Variants in SMIM19 observed in about 807,000 individuals in gnomAD.
The protein encoded by SMIM19 is small integral membrane protein 19, also known as UPF0697 protein C8orf40.
In SMIM19, 6 loss-of-function variants were observed where a neutral mutation model predicts 13.2. The observed-to-expected ratio is 0.45, with a 90% confidence interval of 0.25 to 0.90. SMIM19 has a LOEUF of 0.90. Ranked by LOEUF, SMIM19 falls within the 40% of genes least tolerant of loss-of-function variation. The probability of loss-of-function intolerance (pLI) is 0.19; values close to 1 mark genes in which losing one functional copy is unlikely to be tolerated. For missense variants in SMIM19, 138 were observed against 131.0 expected, an observed-to-expected ratio of 1.05 and a Z score of -0.26; for synonymous variants, 46 against 43.1, an observed-to-expected ratio of 1.07 and a Z score of -0.27.
At chr8:42,545,907 G>A (rs1813462681) in intron 1 of SMIM19, among the ~76,000 whole-genome samples, 1 of 152,170 alleles carries the variant, frequency 6.6e-6, no homozygotes. Flanking sequence ...TTCAAGCTCA[G>A]TCCTTTTAGT....
chr8:42,545,876 A>G (rs1358488664), intron 1 of SMIM19, among the ~76,000 whole-genome samples: 1 of 152,164 alleles, frequency 6.6e-6, no homozygotes, highest in Non-Finnish European at 1.5e-5. Context: ...GGGTGTTACA[A>G]TTTGGAAACT....
At chr8:42,551,802 G>T (rs1813683517) in intron 3 of SMIM19, among the ~76,000 whole-genome samples, 1 of 151,932 alleles carries the variant, frequency 6.6e-6, no homozygotes, top group Admixed American at 6.6e-5. Context: ...AAATTAGCTG[G>T]GTGTGGTGAT....
At chr8:42,550,033 T>A (rs1813617023) in intron 3 of SMIM19, among the ~76,000 whole-genome samples, 1 of 151,944 alleles carries the variant, frequency 6.6e-6, no homozygotes. Context: ...GAGGCAGAGG[T>A]TGCAGTGAGC....
At position 42,542,314 on chromosome 8, in the gene SMIM19, G is replaced by A. The variant is rs933932369; in HGVS notation, c.-64G>A. The A allele has an allele frequency of 8.5e-6, 3 of 353,218 alleles. No homozygotes were observed. The highest frequency in any genetic ancestry group is 1.2e-5 in the Non-Finnish European group (3 of 252,138). 21.9% of individuals were successfully genotyped at this position (353,218 alleles called of 1,614,324 possible). The stretch of plus-strand genomic sequence containing the variant: ...GTTGTTGGGATAATTCAGTGACTCT[G>A]TGGACTGCCCAGCACCTGTGAATTG... On this transcript the variant is annotated 5_prime_UTR_variant, in exon 1 of 4. In the 5' UTR this introduces an upstream ATG that the reference lacks. Transcript: ENST00000417410.
Position 42,542,304 on chromosome 8 carries a change from C to A in SMIM19, c.-74C>A. 3.5e-6 allele frequency: 1 copy of A among 289,476 alleles called. No individual in the cohort carries two copies. Among genetic ancestry groups the A allele is most frequent in the Non-Finnish European group, 5.2e-6 (1 of 193,824 alleles). 17.9% of individuals were successfully genotyped at this position (289,476 alleles called of 1,614,324 possible). On this transcript the variant is annotated 5_prime_UTR_variant, in exon 1 of 4. Transcript: ENST00000417410. ...GCCCAGCAGGGTTGTTGGGATAATT[C>A]AGTGACTCTGTGGACTGCCCAGCAC...
chr8:42,542,526 T>C lies in SMIM19; in HGVS notation c.-5+153T>C, dbSNP rs893607903. 1.3e-5 allele frequency: 12 copies of C among 946,200 alleles called. No homozygotes were observed. In the African/African-American group the frequency reaches 1.9e-4, roughly 15 times the overall value. 58.6% of individuals were successfully genotyped at this position (946,200 alleles called of 1,614,324 possible). A position where few individuals can be genotyped will look rare whatever the true frequency, so the allele number is the denominator to read the frequency against. On this transcript the variant is annotated intron_variant, in intron 1 of 3. Transcript: ENST00000417410. ...AATTTGTATCAAAGTAACAAAGTTC[T>C]AAGTGAGAGACAAAAATGATAACAT...
Position 42,552,809 on chromosome 8 carries a change from A to G in SMIM19, c.*201A>G, listed in dbSNP as rs559438281. 7.2e-6 allele frequency: 4 copies of G among 556,540 alleles called. No individual in the cohort carries two copies. The African/African-American group carries it at 7.5e-5, about 10-fold the overall frequency. The allele number at this position is 556,540 out of a possible 1,614,324, so 34.5% of individuals were successfully genotyped here. A position where few individuals can be genotyped will look rare whatever the true frequency, so the allele number is the denominator to read the frequency against. ...AGGCCTTGACACAGGGAACCTGCAC[A>G]TATCCAGGATATGTGTAACCAGCGA... On this transcript the variant is annotated 3_prime_UTR_variant, in exon 4 of 4. Transcript: ENST00000417410.
chr8:42,551,682 C>A (rs934771837), intron 3 of SMIM19, among the ~76,000 whole-genome samples: 2 of 152,148 alleles, frequency 1.3e-5, no homozygotes, highest in African/African-American at 4.8e-5. Context: ...TGGCTCACAC[C>A]TGTAATCCCA....
chr8:42,551,551 AAATAT>A (rs148910592), intron 3 of SMIM19, among the ~76,000 whole-genome samples: 2,445 of 152,316 alleles, frequency 0.016, 28 homozygotes, highest in Non-Finnish European at 0.027. Flanking sequence ...TTTTAAGTTA[AAATAT>A]AGTCAAATTC....
Position 42,548,873 on chromosome 8 carries a change from G to A in SMIM19, c.259+93G>A, listed in dbSNP as rs531630792. 2.7e-5 allele frequency: 35 copies of A among 1,317,900 alleles called. No individual in the cohort carries two copies. In the African/African-American group the frequency reaches 3.1e-4, roughly 12 times the overall value. The allele number at this position is 1,317,900 out of a possible 1,614,324, so 81.6% of individuals were successfully genotyped here. A position where few individuals can be genotyped will look rare whatever the true frequency, so the allele number is the denominator to read the frequency against. On this transcript the variant is annotated intron_variant, in intron 3 of 3. Transcript: ENST00000417410. ...ATTTAGCAAAATGTTATTAGAAATC[G>A]TAAGTAATGAAAACTTAGTACTTCT...
chr8:42,548,517 C>G, intron 2 of SMIM19, 139 bp from the exon 3 acceptor site: 1 of 1,135,828 alleles, frequency 8.8e-7, no homozygotes, highest in Non-Finnish European at 1.3e-6. Context: ...GGAAGCAGCT[C>G]TCAAAGACAA....
intron 3 of SMIM19, among the ~76,000 whole-genome samples, chr8:42,551,699 T>C (rs1813679567): frequency 6.6e-6 from 1 of 152,156 alleles, no homozygotes; most frequent in Admixed American, 6.5e-5. Flanking sequence ...CCCAGCACTT[T>C]GGGAGGCCAA....
chr8:42,552,771 C>CA lies in SMIM19; in HGVS notation c.*165dup, dbSNP rs1380466866. The CA allele has an allele frequency of 2.6e-6, 2 of 763,076 alleles. No homozygotes were observed. The allele number at this position is 763,076 out of a possible 1,614,324, so 47.3% of individuals were successfully genotyped here. On this transcript the variant is annotated 3_prime_UTR_variant, in exon 4 of 4. Coordinates refer to ENST00000417410, the MANE Select transcript of SMIM19 (RefSeq NM_001135674.2). ...GTTTTGCCTTTTTAAATTACATCTCCAAGTGGCTCAAAAGGCCTTGACACA... is the reference window on the plus strand; with the variant it reads ...GTTTTGCCTTTTTAAATTACATCTCCAAAGTGGCTCAAAAGGCCTTGACACA...
At position 42,552,239 on chromosome 8, in the gene SMIM19, C is replaced by T. The variant is rs930122806; in HGVS notation, c.260-305C>T. On this transcript the variant is annotated intron_variant, in intron 3 of 3. Transcript: ENST00000417410. ...TTCAAGACCAGCCTGGGCAACATGG[C>T]GAGACCCTATCTCTGCAAAAAATAA... 2.6e-5 allele frequency among the ~76,000 whole-genome samples: 4 copies of T among 151,920 alleles called. No homozygotes were observed. In the East Asian group the frequency reaches 7.7e-4, roughly 29 times the overall value.
chr8:42,542,309 ACT>A lies in SMIM19; in HGVS notation c.-66_-65del, dbSNP rs776238505. 3.2e-6 allele frequency: 1 copy of A among 311,806 alleles called. No homozygotes were observed. Among genetic ancestry groups the A allele is most frequent in the Non-Finnish European group, 4.7e-6 (1 of 214,590 alleles). The allele number at this position is 311,806 out of a possible 1,614,324, so 19.3% of individuals were successfully genotyped here. On this transcript the variant is annotated 5_prime_UTR_variant, in exon 1 of 4. Transcript: ENST00000417410. ...GCAGGGTTGTTGGGATAATTCAGTGACTCTGTGGACTGCCCAGCACCTGTGAA... is the reference window on the plus strand; with the variant it reads ...GCAGGGTTGTTGGGATAATTCAGTGACTGTGGACTGCCCAGCACCTGTGAA...
Position 42,546,471 on chromosome 8 carries a change from C to G in SMIM19, c.-2C>G. The G allele has an allele frequency of 6.2e-7, 1 of 1,604,766 alleles. No individual in the cohort carries two copies. The highest frequency in any genetic ancestry group is 8.5e-7 in the Non-Finnish European group (1 of 1,177,486). On this transcript the variant is annotated splice_region_variant and 5_prime_UTR_variant, in exon 2 of 4. Transcript: ENST00000417410. ...CTGCTTTCTTTTCTCTCTTACAGCC[C>G]CATGGCTGGGGGTTATGGAGTGATG...
At chr8:42,543,272 G>T (rs1043874614) in intron 1 of SMIM19, among the ~76,000 whole-genome samples, 11 of 152,116 alleles carry the variant, frequency 7.2e-5, no homozygotes, top group Non-Finnish European at 1.2e-4. Context: ...GAGGGGACGG[G>T]GTCATAGTTC....
At chr8:42,548,872 C>T (rs1813575597) in intron 3 of SMIM19, 92 bp downstream of exon 3, 4 of 1,322,486 alleles carry the variant, frequency 3.0e-6, no homozygotes, top group East Asian at 2.5e-5. Context: ...TATTAGAAAT[C>T]GTAAGTAATG....
chr8:42,550,538 C>A (rs1425007306), intron 3 of SMIM19, among the ~76,000 whole-genome samples: 2 of 152,138 alleles, frequency 1.3e-5, no homozygotes, highest in African/African-American at 4.8e-5. Flanking sequence ...TCCCTTCCTC[C>A]ATCTGCAAAG....
Sources: allele counts gnomAD v4.1 joint callset (sites outside exome capture counted in the v4.1 genomes callset), GRCh38; gene constraint gnomAD v4.1.1; transcripts MANE v1.5; gene names NCBI Gene and HGNC (gene_info 2026-07-23, HGNC 2026-07-21).